RNF11: variants seen among roughly 807,000 people sequenced by gnomAD.
The protein encoded by RNF11 is ring finger protein 11.
A neutral mutation model predicts 15.8 loss-of-function variants in RNF11; 4 were observed. The observed-to-expected ratio is 0.25, with a 90% CI of 0.12 to 0.58. The LOEUF (loss-of-function observed/expected upper bound fraction) is 0.58. RNF11 is among the 20% of genes least tolerant of loss of function. The pLI, the probability that RNF11 is intolerant of heterozygous loss-of-function variation, is 0.91. For synonymous variants in RNF11, 68 were observed against 72.3 expected (o/e 0.94, Z 0.30); for missense variants, 139 against 194.4 (o/e 0.71, Z 1.70).
chr1:51,255,163 A>G lies in RNF11; in HGVS notation c.124-14793A>G, dbSNP rs76903158. On this transcript the variant is annotated intron_variant, in intron 1 of 2. Coordinates refer to ENST00000242719, the MANE Select transcript of RNF11 (RefSeq NM_014372.5). ...TATTAATATGCTATATAATATGTAT[A>G]TATATGTTTCTACTACTTATATATC... Among the ~76,000 whole-genome samples the G allele has an allele frequency of 5.8e-3, 881 of 152,302 alleles. 3 individuals are homozygous for G. Among genetic ancestry groups the G allele is most frequent in the Non-Finnish European group, 7.9e-3 (536 of 68,036 alleles).
rs1646971791 is a variant in RNF11, at chr1:51,270,163, T to A, written c.293+38T>A. ...TAATTTGTACATTTCAAAGTTTTATTTTCAGATTGCTTTTGAAAAATTTGC... is the reference window on the plus strand; with the variant it reads ...TAATTTGTACATTTCAAAGTTTTATATTCAGATTGCTTTTGAAAAATTTGC... On this transcript the variant is annotated intron_variant, in intron 2 of 2. Transcript: ENST00000242719. 5 of 1,533,068 alleles carry A rather than the reference T, an allele frequency of 3.3e-6. No individual in the cohort carries two copies. The East Asian group carries it at 1.1e-4, about 35-fold the overall frequency. 95.0% of individuals were successfully genotyped at this position (1,533,068 alleles called of 1,614,324 possible).
chr1:51,245,493 C>T (rs944101614), intron 1 of RNF11, among the ~76,000 whole-genome samples: 1 of 151,790 alleles, frequency 6.6e-6, no homozygotes, highest in East Asian at 1.9e-4. Context: ...ACTCCATCGC[C>T]CAGGCTGGAG....
chr1:51,237,424 G>GTA (rs1168154259), intron 1 of RNF11, among the ~76,000 whole-genome samples: 1,747 of 135,868 alleles, frequency 0.013, 11 homozygotes, highest in African/African-American at 0.018. Context: ...GTGTGTGTGT[G>GTA]TATATATATA....
chr1:51,236,652 C>T lies in RNF11; in HGVS notation c.-105C>T. The T allele has an allele frequency of 6.7e-7, 1 of 1,494,028 alleles. No individual in the cohort carries two copies. The allele number at this position is 1,494,028 out of a possible 1,614,324, so 92.5% of individuals were successfully genotyped here. ...GGAGTCGCCTCCGCCTGATCCCCGG[C>T]CTGTCGCCCGACCCCACCTCGCCAA... is the stretch of plus-strand genomic sequence containing the variant. On this transcript the variant is annotated 5_prime_UTR_variant, in exon 1 of 3. Transcript: ENST00000242719.
At chr1:51,258,416 A>T (rs1176900505) in intron 1 of RNF11, among the ~76,000 whole-genome samples, 1 of 152,192 alleles carries the variant, frequency 6.6e-6, no homozygotes, top group African/African-American at 2.4e-5. Context: ...AATGTTATAT[A>T]ATACACTAGA....
intron 1 of RNF11, among the ~76,000 whole-genome samples, chr1:51,247,990 A>T (rs1387890968): frequency 5.3e-5 from 8 of 152,102 alleles, no homozygotes; most frequent in African/African-American, 1.4e-4. Context: ...GTAATTTTGT[A>T]TAACAGTTTA....
At chr1:51,239,406 T>C (rs1646819096) in intron 1 of RNF11, among the ~76,000 whole-genome samples, 1 of 152,156 alleles carries the variant, frequency 6.6e-6, no homozygotes, top group African/African-American at 2.4e-5. Flanking sequence ...CAGACTAATA[T>C]ACAAATTCAG....
chr1:51,259,704 A>C (rs1374880542), intron 1 of RNF11, among the ~76,000 whole-genome samples: 1 of 152,234 alleles, frequency 6.6e-6, no homozygotes, highest in Non-Finnish European at 1.5e-5. Flanking sequence ...AAATCTTTTT[A>C]AGTAACAGAA....
intron 1 of RNF11, 134 bp downstream of exon 1, chr1:51,237,013 T>G: frequency 8.6e-7 from 1 of 1,168,568 alleles, no homozygotes; most frequent in Middle Eastern, 2.9e-4. Context: ...GGGCTGGATC[T>G]GAGGGCATTT....
intron 1 of RNF11, among the ~76,000 whole-genome samples, chr1:51,257,954 A>G (rs778993586): frequency 4.8e-4 from 72 of 148,484 alleles, no homozygotes; most frequent in Admixed American, 2.8e-3. Flanking sequence ...CCCAGGGTCA[A>G]GCAGTTCTCC....
chr1:51,236,402 G>A lies in RNF11; in HGVS notation c.-355G>A. The A allele has an allele frequency of 6.0e-6, 1 of 165,794 alleles. No individual in the cohort carries two copies. Among genetic ancestry groups the A allele is most frequent in the Non-Finnish European group, 1.3e-5 (1 of 77,304 alleles). 10.3% of individuals were successfully genotyped at this position (165,794 alleles called of 1,614,324 possible). On this transcript the variant is annotated 5_prime_UTR_variant, in exon 1 of 3. Transcript: ENST00000242719. Reference sequence around the variant, plus strand: ...GGCAGCAGCTGAGGCAGCCGCGACGGCCGCGCCCCCCCCCGCTGACCTGGA... The same window carrying A: ...GGCAGCAGCTGAGGCAGCCGCGACGACCGCGCCCCCCCCCGCTGACCTGGA...
chr1:51,258,927 C>A (rs147634973), intron 1 of RNF11, among the ~76,000 whole-genome samples: 2 of 152,148 alleles, frequency 1.3e-5, no homozygotes, highest in African/African-American at 4.8e-5. Context: ...GTATATTTAG[C>A]GTTTGCACCA....
intron 1 of RNF11, among the ~76,000 whole-genome samples, chr1:51,261,924 G>A (rs955274817): frequency 3.3e-5 from 5 of 150,894 alleles, no homozygotes; most frequent in African/African-American, 4.9e-5. Flanking sequence ...CAGCAGTCTC[G>A]GCTCACTGCA....
intron 1 of RNF11, among the ~76,000 whole-genome samples, chr1:51,248,878 A>G (rs893028852): frequency 7.9e-5 from 12 of 152,222 alleles, no homozygotes; most frequent in African/African-American, 2.9e-4. Flanking sequence ...GATCCATCCA[A>G]TCACAGAAAA....
intron 1 of RNF11, among the ~76,000 whole-genome samples, chr1:51,237,424 GTATATATATATATATGTGTATATATATA>G (rs914510652): frequency 5.2e-5 from 7 of 135,896 alleles, no homozygotes; most frequent in South Asian, 2.3e-4. Context: ...GTGTGTGTGT[GTATATATATATATATGTGTATATATATA>G]TATATATATA....
chr1:51,271,047 G>T, intron 2 of RNF11, 104 bp from the exon 3 acceptor site: 3 of 927,514 alleles, frequency 3.2e-6, no homozygotes, highest in South Asian at 1.8e-5. Flanking sequence ...AAAGCATTCT[G>T]ATGTGTTACT....
chr1:51,257,801 T>C (rs1646911271), intron 1 of RNF11, among the ~76,000 whole-genome samples: 2 of 151,366 alleles, frequency 1.3e-5, no homozygotes, highest in South Asian at 4.2e-4. Context: ...AGATGGTATC[T>C]CATTGTGGTT....
chr1:51,250,464 A>G (rs371384784), intron 1 of RNF11: 2 of 451,268 alleles, frequency 4.4e-6, no homozygotes, highest in South Asian at 2.8e-5. Context: ...CCTTTGAACA[A>G]CATAGAGTTG....
chr1:51,244,863 G>A (rs1646845016), intron 1 of RNF11, among the ~76,000 whole-genome samples: 1 of 152,194 alleles, frequency 6.6e-6, no homozygotes, highest in African/African-American at 2.4e-5. Context: ...ATCACTAAGA[G>A]TAAGATAGTC....
Sources: allele counts gnomAD v4.1 joint callset (sites outside exome capture counted in the v4.1 genomes callset), GRCh38; gene constraint gnomAD v4.1.1; transcripts MANE v1.5; gene names NCBI Gene and HGNC (gene_info 2026-07-23, HGNC 2026-07-21).